CDH26: variants seen among roughly 807,000 people sequenced by gnomAD.
CDH26 encodes cadherin 26.
CDH26 carries 83 observed loss-of-function variants against 90.3 expected under a neutral mutation model. The ratio of observed to expected loss-of-function variants is 0.92; its 90% confidence interval spans 0.77 to 1.10. CDH26 has a LOEUF of 1.10. Among genes scored for constraint, CDH26 ranks in the 50% least tolerant of loss-of-function variants. The probability of loss-of-function intolerance (pLI) is 0.00; values close to 1 mark genes in which losing one functional copy is unlikely to be tolerated. For synonymous variants in CDH26, 397 were observed against 396.3 expected, an observed-to-expected ratio of 1.00 and a Z score of -0.02; for missense variants, 1,013 against 1,037.6, an observed-to-expected ratio of 0.98 and a Z score of 0.33.
exon 9 of CDH26, chr20:60,033,644 G>A (rs2062061941): frequency 7.7e-7 from 1 of 1,304,736 alleles, no homozygotes; most frequent in Non-Finnish European, 1.0e-6. Context: ...AGAATCGGCA[G>A]GTGGTCACAA....
chr20:59,985,195 G>C, intron 7 of CDH26, 66 bp downstream of exon 7: 1 of 1,584,706 alleles, frequency 6.3e-7, no homozygotes, highest in Admixed American at 1.7e-5. Context: ...CCTAGGCTCA[G>C]TTTTTCTCAG....
intron 4 of CDH26, among the ~76,000 whole-genome samples, chr20:59,981,367 C>T (rs1042732682): frequency 1.3e-5 from 2 of 152,130 alleles, no homozygotes; most frequent in Non-Finnish European, 2.9e-5. Flanking sequence ...TCTGTAAACA[C>T]AGTATATCTT....
At chr20:60,010,382 A>G (rs2061818176) in intron 17 of CDH26, among the ~76,000 whole-genome samples, 1 of 152,118 alleles carries the variant, frequency 6.6e-6, no homozygotes, top group South Asian at 2.1e-4. Flanking sequence ...ATCAGCAGTG[A>G]CGGATTAGAC....
chr20:59,974,343 G>A (rs181619894), intron 4 of CDH26, among the ~76,000 whole-genome samples: 72 of 152,310 alleles, frequency 4.7e-4, no homozygotes, highest in Middle Eastern at 3.4e-3. Flanking sequence ...TGCAGAATGG[G>A]AGAACATTTT....
At position 59,996,535 on chromosome 20, in the gene CDH26, C is replaced by T. The variant is rs377297344; in HGVS notation, c.1889-96C>T. 4 of 1,613,976 alleles carry T rather than the reference C, an allele frequency of 2.5e-6. No homozygotes were observed. In the African/African-American group the frequency reaches 5.3e-5, roughly 22 times the overall value. ...AAGACGCAATTTGGCCTTGCCAGTT[C>T]ATGACTGAGTTATACATGAACAGAA... On this transcript the variant is annotated intron_variant, in intron 12 of 17. Transcript: ENST00000348616.
In CDH26 at chr20:60,033,773, ATGTGTGTGTG is replaced by A. The variant is rs3043443; in HGVS notation, c.*120_*129del. On this transcript the variant is annotated 3_prime_UTR_variant, in exon 9 of 9. Coordinates refer to the CDH26 transcript ENST00000370991. Reference sequence around the variant, plus strand: ...GATGGCAATTATCCAGGTAGACAAGATGTGTGTGTGTGTGTGTGTGTGTGTGTGTGTGATC... The same window carrying A: ...GATGGCAATTATCCAGGTAGACAAGATGTGTGTGTGTGTGTGTGTGTGATC... 2.7e-5 allele frequency: 24 copies of A among 900,748 alleles called. No homozygotes were observed. In the South Asian group the frequency reaches 3.0e-4, roughly 11 times the overall value. The allele number at this position is 900,748 out of a possible 1,614,324, so 55.8% of individuals were successfully genotyped here.
intron 17 of CDH26, among the ~76,000 whole-genome samples, chr20:60,010,057 C>T (rs961121806): frequency 1.3e-5 from 2 of 152,114 alleles, no homozygotes; most frequent in South Asian, 2.1e-4. Flanking sequence ...CCGCGCTTCT[C>T]GTGGGCACCA....
At chr20:60,016,365 G>T (rs1274981987), downstream of CDH26, among the ~76,000 whole-genome samples, 2 of 151,952 alleles carry the variant, frequency 1.3e-5, no homozygotes, top group African/African-American at 2.4e-5. Context: ...TGATATTTTA[G>T]TTTTTTGTAG....
chr20:59,970,090 C>A lies in CDH26; in HGVS notation c.135C>A (p.Ile45=). 1 of 1,613,074 alleles carries A rather than the reference C, an allele frequency of 6.2e-7. No homozygotes were observed. The highest frequency in any genetic ancestry group is 8.5e-7 in the Non-Finnish European group (1 of 1,179,468). The change falls in exon 3 of 18, where the codon ATC becomes ATA. Residue 45 remains isoleucine, a synonymous_variant. Transcript: ENST00000348616. ...DDLTKQTKEK[I]YQPLRRSKRR... is the part of the protein sequence containing the mutation. The stretch of plus-strand genomic sequence containing the variant: ...GTCACTATAAGTTCCAGGAAAAGAT[C>A]TACCAGCCTCTACGGCGATCCAAGA...
chr20:60,007,851 A>G (rs2061774300), intron 17 of CDH26, among the ~76,000 whole-genome samples: 1 of 152,112 alleles, frequency 6.6e-6, no homozygotes, highest in Non-Finnish European at 1.5e-5. Context: ...TTCCTGCAAA[A>G]TTGTGAAAGA....
At chr20:60,011,499 T>A (rs1163098918) in intron 17 of CDH26, among the ~76,000 whole-genome samples, 3 of 152,210 alleles carry the variant, frequency 2.0e-5, no homozygotes, top group African/African-American at 7.2e-5. Flanking sequence ...ATCGAAATCA[T>A]CTAATGATGC....
At chr20:59,965,141 TAGAC>T (rs2061129866) in intron 1 of CDH26, among the ~76,000 whole-genome samples, 1 of 152,174 alleles carries the variant, frequency 6.6e-6, no homozygotes, top group Admixed American at 6.6e-5. Context: ...TTCAGGTAAA[TAGAC>T]AGAAATATAA....
Position 60,004,412 on chromosome 20 carries a change from C to T in CDH26, c.2220+1546C>T, listed in dbSNP as rs765457528. The stretch of plus-strand genomic sequence containing the variant: ...GCCTGTTGCTTCTAGGCTACAAACC[C>T]GTACAGCATGTGACTGTACTGAATA... On this transcript the variant is annotated intron_variant, in intron 16 of 17. Transcript: ENST00000348616. 1.7e-4 allele frequency among the ~76,000 whole-genome samples: 26 copies of T among 152,206 alleles called. No homozygotes were observed. The Middle Eastern group carries it at 0.017, about 100-fold the overall frequency.
At chr20:60,012,021 C>T (rs1367146353) in intron 17 of CDH26, among the ~76,000 whole-genome samples, 1 of 151,986 alleles carries the variant, frequency 6.6e-6, no homozygotes, top group Non-Finnish European at 1.5e-5. Context: ...AAAGGGGTGG[C>T]AGGAAGTGGT....
chr20:59,994,658 A>G (rs1205884425), intron 11 of CDH26, among the ~76,000 whole-genome samples, 169 bp downstream of exon 11: 1 of 152,126 alleles, frequency 6.6e-6, no homozygotes, highest in Non-Finnish European at 1.5e-5. Flanking sequence ...CTTCCCACAC[A>G]TGGTCTGCCT....
intron 7 of CDH26, among the ~76,000 whole-genome samples, chr20:60,019,668 A>T (rs1315024252): frequency 6.6e-6 from 1 of 152,096 alleles, no homozygotes; most frequent in Non-Finnish European, 1.5e-5. Context: ...TAAGATTATT[A>T]TTTTGAATTC....
At chr20:59,983,910 G>T (rs956955475) in intron 5 of CDH26, among the ~76,000 whole-genome samples, 8 of 152,066 alleles carry the variant, frequency 5.3e-5, no homozygotes, top group Non-Finnish European at 1.0e-4. Context: ...AATATTTTAT[G>T]GATGTGCTTT....
In CDH26 at chr20:59,974,560, G is replaced by T. The variant is rs191029730; in HGVS notation, c.393+2437G>T. 1.9e-3 allele frequency among the ~76,000 whole-genome samples: 289 copies of T among 152,246 alleles called. 2 individuals are homozygous for T. Among genetic ancestry groups the T allele is most frequent in the African/African-American group, 6.5e-3 (268 of 41,546 alleles). ...AGAGCAAAGAGTGACAGTGTGGGGT[G>T]GGGGGAAACACATGGCATCCCCATT... is the stretch of plus-strand genomic sequence containing the variant. On this transcript the variant is annotated intron_variant, in intron 4 of 17. Coordinates refer to ENST00000348616, the MANE Select transcript of CDH26 (RefSeq NM_177980.4).
At chr20:60,035,896 A>G (rs1266563199), downstream of CDH26, among the ~76,000 whole-genome samples, 1 of 152,036 alleles carries the variant, frequency 6.6e-6, no homozygotes, top group Non-Finnish European at 1.5e-5. Context: ...CCAGCCCTAC[A>G]GACTGTGAAT....
Sources: gnomAD v4.1 joint callset for allele counts (sites outside exome capture counted in the v4.1 genomes callset) on GRCh38, gnomAD v4.1.1 for gene constraint, MANE v1.5 for transcripts, NCBI Gene and HGNC (gene_info 2026-07-23, HGNC 2026-07-21) for gene names.